DIP2B: variants seen among roughly 807,000 people sequenced by gnomAD.
DIP2B encodes the protein DIP2 acetate--CoA ligase B (putative).
A neutral mutation model predicts 198.0 loss-of-function variants in DIP2B; 76 were observed. The observed-to-expected ratio is 0.38, with a 90% CI of 0.32 to 0.46. The LOEUF (loss-of-function observed/expected upper bound fraction) is 0.46. Ranked by LOEUF, DIP2B falls within the 20% of genes least tolerant of loss-of-function variation. The pLI, the probability that DIP2B is intolerant of heterozygous loss-of-function variation, is 0.99. For synonymous variants in DIP2B, 701 were observed against 739.1 expected, an observed-to-expected ratio of 0.95 and a Z score of 0.84; for missense variants, 1,559 against 1,978.4, an observed-to-expected ratio of 0.79 and a Z score of 4.02.
intron 1 of DIP2B, among the ~76,000 whole-genome samples, chr12:50,522,455 G>A (rs1460065095): frequency 2.0e-5 from 3 of 152,136 alleles, no homozygotes; most frequent in African/African-American, 7.2e-5. Context: ...CCATTGCAGG[G>A]CGCACACATA....
chr12:50,535,849 TC>T (rs1565816068), intron 1 of DIP2B, among the ~76,000 whole-genome samples: 1 of 62,168 alleles, frequency 1.6e-5, no homozygotes, highest in Non-Finnish European at 3.1e-5. Flanking sequence ...GCCTCCCCCC[TC>T]CCCCCACCCC....
At chr12:50,739,835 A>G (rs1940208855) in intron 36 of DIP2B, among the ~76,000 whole-genome samples, 1 of 152,226 alleles carries the variant, frequency 6.6e-6, no homozygotes, top group Non-Finnish European at 1.5e-5. Context: ...GCCTGATGGC[A>G]AGTGAGCGTC....
At chr12:50,657,267 C>T (rs955299347) in intron 3 of DIP2B, among the ~76,000 whole-genome samples, 1 of 143,100 alleles carries the variant, frequency 7.0e-6, no homozygotes, top group Non-Finnish European at 1.5e-5. Flanking sequence ...CAAGAATTAT[C>T]AATGGATGCT....
chr12:50,693,245 C>T (rs1290626991), intron 14 of DIP2B, among the ~76,000 whole-genome samples: 4 of 152,176 alleles, frequency 2.6e-5, no homozygotes, highest in Non-Finnish European at 5.9e-5. Context: ...TGGGGATTCT[C>T]CCCATCAGAG....
intron 26 of DIP2B, among the ~76,000 whole-genome samples, chr12:50,722,181 A>C (rs1313111288): frequency 6.6e-6 from 1 of 152,026 alleles, no homozygotes; most frequent in Non-Finnish European, 1.5e-5. Flanking sequence ...CCACTCATAC[A>C]TCCAGCTTTC....
intron 1 of DIP2B, among the ~76,000 whole-genome samples, chr12:50,607,563 A>C (rs1958994307): frequency 6.6e-6 from 1 of 152,188 alleles, no homozygotes; most frequent in African/African-American, 2.4e-5. Flanking sequence ...CCAGTGCTCT[A>C]TCAGCTATAT....
chr12:50,564,877 T>A (rs1388072438), intron 1 of DIP2B, among the ~76,000 whole-genome samples: 1 of 152,224 alleles, frequency 6.6e-6, no homozygotes, highest in Non-Finnish European at 1.5e-5. Context: ...ATGTATTTCA[T>A]AAGTCAGCAT....
chr12:50,744,885 G>GAC lies in DIP2B; in HGVS notation c.*48_*49dup. On this transcript the variant is annotated 3_prime_UTR_variant, in exon 38 of 38. Transcript: ENST00000301180. ...GTGGGCCATTCTGAAGAATCACAAAGACAGAAGACCTCTGGCTAAGAGCAG... is the reference window on the plus strand; with the variant it reads ...GTGGGCCATTCTGAAGAATCACAAAGACACAGAAGACCTCTGGCTAAGAGCAG... 1 of 1,601,094 alleles carries GAC rather than the reference G, an allele frequency of 6.2e-7. No individual in the cohort carries two copies. Among genetic ancestry groups the GAC allele is most frequent in the East Asian group, 2.2e-5 (1 of 44,608 alleles).
chr12:50,655,283 A>G (rs1938535139), intron 3 of DIP2B, among the ~76,000 whole-genome samples: 2 of 152,240 alleles, frequency 1.3e-5, no homozygotes, highest in African/African-American at 4.8e-5. Flanking sequence ...ACTTTTGTGT[A>G]TGAAAGACAG....
intron 1 of DIP2B, among the ~76,000 whole-genome samples, chr12:50,591,563 G>A (rs889507846): frequency 2.0e-5 from 3 of 151,436 alleles, no homozygotes; most frequent in African/African-American, 7.3e-5. Context: ...TCAGCCTCCT[G>A]AGTGTATCCT....
In DIP2B at chr12:50,716,958, C is replaced by CTTTTTTTTTTTTTTTTTTTTTT. The variant is rs4026694; in HGVS notation, c.2852-1749_2852-1728dup. 2.6e-3 allele frequency among the ~76,000 whole-genome samples: 155 copies of CTTTTTTTTTTTTTTTTTTTTTT among 58,932 alleles called. 44 individuals are homozygous for CTTTTTTTTTTTTTTTTTTTTTT. Among genetic ancestry groups the CTTTTTTTTTTTTTTTTTTTTTT allele is most frequent in the East Asian group, 4.6e-3 (6 of 1,298 alleles). The allele number at this position is 58,932 out of a possible 152,430, so 38.7% of individuals were successfully genotyped here. A position where few individuals can be genotyped will look rare whatever the true frequency, so the allele number is the denominator to read the frequency against. On this transcript the variant is annotated intron_variant, in intron 23 of 37. Coordinates refer to ENST00000301180, the MANE Select transcript of DIP2B (RefSeq NM_173602.3). Reference sequence around the variant, plus strand: ...CCTATCCTAGATTTACGAATTGTTGCTTTTTTTTTTTTTTTTTTTTTTTGA... The same window carrying CTTTTTTTTTTTTTTTTTTTTTT: ...CCTATCCTAGATTTACGAATTGTTGCTTTTTTTTTTTTTTTTTTTTTTTTTTTTTTTTTTTTTTTTTTTTTGA...
chr12:50,615,040 C>CA (rs1226047653), intron 1 of DIP2B, among the ~76,000 whole-genome samples: 2 of 152,186 alleles, frequency 1.3e-5, no homozygotes, highest in Non-Finnish European at 2.9e-5. Flanking sequence ...CTGGCACATG[C>CA]ACCATTTAAT....
Position 50,505,066 on chromosome 12 carries a change from G to C in DIP2B, c.-75G>C. The C allele has an allele frequency of 7.1e-7, 1 of 1,405,936 alleles. No individual in the cohort carries two copies. Among genetic ancestry groups the C allele is most frequent in the South Asian group, 1.2e-5 (1 of 81,164 alleles). The allele number at this position is 1,405,936 out of a possible 1,614,324, so 87.1% of individuals were successfully genotyped here. On this transcript the variant is annotated 5_prime_UTR_variant, in exon 1 of 38. Coordinates refer to ENST00000301180, the MANE Select transcript of DIP2B (RefSeq NM_173602.3). The stretch of plus-strand genomic sequence containing the variant: ...CGGCCGGAGCCGGATCCTGTAGCCG[G>C]GTGTGGGCCCGTGTCTGTCCGTCCC...
intron 30 of DIP2B, among the ~76,000 whole-genome samples, chr12:50,729,376 G>C (rs1460501261): frequency 6.6e-6 from 1 of 152,200 alleles, no homozygotes; most frequent in Non-Finnish European, 1.5e-5. Context: ...ACACCTGTAT[G>C]TACATAAGAA....
chr12:50,516,749 C>T (rs973561209), intron 1 of DIP2B, among the ~76,000 whole-genome samples: 5 of 152,056 alleles, frequency 3.3e-5, no homozygotes, highest in East Asian at 2.0e-4. Context: ...CCAAGGTGGG[C>T]GGATCACCTG....
chr12:50,555,048 G>A (rs192083189), intron 1 of DIP2B, among the ~76,000 whole-genome samples: 6 of 152,248 alleles, frequency 3.9e-5, no homozygotes, highest in African/African-American at 7.2e-5. Flanking sequence ...GATTATAGGC[G>A]TGAGCCACCG....
chr12:50,541,616 C>T (rs1469410526), intron 1 of DIP2B, among the ~76,000 whole-genome samples: 1 of 152,116 alleles, frequency 6.6e-6, no homozygotes, highest in Non-Finnish European at 1.5e-5. Flanking sequence ...TGACACCTTT[C>T]TAGATTTGGA....
At chr12:50,563,479 AC>A (rs1958537300) in intron 1 of DIP2B, among the ~76,000 whole-genome samples, 1 of 129,782 alleles carries the variant, frequency 7.7e-6, no homozygotes, top group South Asian at 2.5e-4. Flanking sequence ...GAGCCACTGC[AC>A]CTGGCCTTTT....
At chr12:50,512,594 G>A (rs1202774417) in intron 1 of DIP2B, among the ~76,000 whole-genome samples, 1 of 152,204 alleles carries the variant, frequency 6.6e-6, no homozygotes, top group African/African-American at 2.4e-5. Context: ...AATCATTTGA[G>A]AAGCACATAT....
Sources: allele counts gnomAD v4.1 joint callset (sites outside exome capture counted in the v4.1 genomes callset), GRCh38; gene constraint gnomAD v4.1.1; transcripts MANE v1.5; gene names NCBI Gene and HGNC (gene_info 2026-07-23, HGNC 2026-07-21).